PLEKHA5: variants seen among roughly 807,000 people sequenced by gnomAD.
The protein encoded by PLEKHA5 is pleckstrin homology domain containing A5.
PLEKHA5 carries 55 observed loss-of-function variants against 181.9 expected under a neutral mutation model. The ratio of observed to expected loss-of-function variants is 0.30; its 90% confidence interval spans 0.24 to 0.38. The LOEUF (loss-of-function observed/expected upper bound fraction) is 0.38. Ranked by LOEUF, PLEKHA5 falls within the 10% of genes least tolerant of loss-of-function variation. The pLI is 1.00. For missense variants in PLEKHA5, 1,432 were observed against 1,549.5 expected (o/e 0.92, Z 1.27); for synonymous variants, 535 against 529.4 (o/e 1.01, Z -0.15).
chr12:19,247,916 TA>T (rs2064179018), intron 3 of PLEKHA5, among the ~76,000 whole-genome samples: 1 of 150,030 alleles, frequency 6.7e-6, no homozygotes, highest in African/African-American at 2.5e-5. Flanking sequence ...ACTTTTAATT[TA>T]AATTTAATTA....
At chr12:19,252,809 A>T (rs1315527490) in intron 3 of PLEKHA5, among the ~76,000 whole-genome samples, 1 of 152,032 alleles carries the variant, frequency 6.6e-6, no homozygotes, top group Non-Finnish European at 1.5e-5. Context: ...AAACAGAAAC[A>T]CTGTAAATTA....
At chr12:19,213,983 A>G (rs941592626) in intron 3 of PLEKHA5, among the ~76,000 whole-genome samples, 1 of 152,176 alleles carries the variant, frequency 6.6e-6, no homozygotes, top group African/African-American at 2.4e-5. Context: ...TGATAATACT[A>G]ATATTATCAG....
chr12:19,279,843 G>C (rs2075612753), intron 11 of PLEKHA5, among the ~76,000 whole-genome samples: 1 of 151,674 alleles, frequency 6.6e-6, no homozygotes, highest in African/African-American at 2.4e-5. Context: ...CACTTTTCCT[G>C]TTTTACTGTT....
At chr12:19,182,097 G>A (rs7314475) in intron 3 of PLEKHA5, among the ~76,000 whole-genome samples, 135,044 of 152,114 alleles carry the variant, frequency 0.89, 60,790 homozygotes, top group Non-Finnish European at 0.97. Flanking sequence ...ATGTTGTTGG[G>A]TTATTATTTA....
chr12:19,267,274 C>T (rs1467753452), intron 8 of PLEKHA5, among the ~76,000 whole-genome samples: 1 of 152,070 alleles, frequency 6.6e-6, no homozygotes, highest in African/African-American at 2.4e-5. Flanking sequence ...CATGTTTGTA[C>T]CATTATAAAA....
At chr12:19,306,433 C>A in intron 15 of PLEKHA5, 1 of 588,314 alleles carries the variant, frequency 1.7e-6, no homozygotes, top group African/African-American at 1.9e-5. Context: ...GCGACTGGAG[C>A]AGCAGAGGCT....
In PLEKHA5 at chr12:19,209,278, A is replaced by C. The variant is rs1199774013; in HGVS notation, c.228-44662A>C. On this transcript the variant is annotated intron_variant, in intron 3 of 31. Coordinates refer to ENST00000429027, the MANE Select transcript of PLEKHA5 (RefSeq NM_001256470.2). Reference sequence around the variant, plus strand: ...AAAAAGTTTATGGGGACAACACTCCAAAGAAATCAGCAGTTTACAAATGGA... The same window carrying C: ...AAAAAGTTTATGGGGACAACACTCCCAAGAAATCAGCAGTTTACAAATGGA... Among the ~76,000 whole-genome samples the C allele has an allele frequency of 3.3e-5, 5 of 152,204 alleles. No homozygotes were observed. In the East Asian group the frequency reaches 9.6e-4, roughly 29 times the overall value.
At chr12:19,202,013 G>T (rs776759239) in intron 3 of PLEKHA5, 19 of 973,524 alleles carry the variant, frequency 2.0e-5, no homozygotes, top group Non-Finnish European at 2.3e-5. Context: ...ACTTGCCTTG[G>T]GTTCATTACT....
chr12:19,275,113 C>G (rs1276623115), intron 11 of PLEKHA5, 130 bp downstream of exon 11: 1 of 629,896 alleles, frequency 1.6e-6, no homozygotes, highest in Non-Finnish European at 2.8e-6. Context: ...ATTACTACGT[C>G]TTTTGTTTAT....
intron 2 of PLEKHA5, among the ~76,000 whole-genome samples, chr12:19,131,898 G>A (rs937013280): frequency 1.3e-5 from 2 of 152,106 alleles, no homozygotes; most frequent in Non-Finnish European, 2.9e-5. Context: ...GGAAGTATTC[G>A]GTGTCATTTC....
chr12:19,324,259 TA>T (rs1430159039), intron 20 of PLEKHA5, among the ~76,000 whole-genome samples: 2 of 152,226 alleles, frequency 1.3e-5, no homozygotes, highest in Non-Finnish European at 2.9e-5. Flanking sequence ...ACCATGATTT[TA>T]AAATCACTGA....
chr12:19,358,565 C>A, intron 27 of PLEKHA5, 128 bp downstream of exon 27: 3 of 622,280 alleles, frequency 4.8e-6, no homozygotes, highest in East Asian at 2.8e-5. Flanking sequence ...TTATTTAATT[C>A]TCCTAATAAT....
intron 29 of PLEKHA5, among the ~76,000 whole-genome samples, chr12:19,361,990 A>C (rs2095257689): frequency 6.6e-6 from 1 of 150,526 alleles, no homozygotes; most frequent in South Asian, 2.1e-4. Context: ...GGGCAACATA[A>C]TGAGACCTCA....
chr12:19,296,101 G>A (rs1295248541), intron 15 of PLEKHA5, among the ~76,000 whole-genome samples: 1 of 152,008 alleles, frequency 6.6e-6, no homozygotes, highest in East Asian at 1.9e-4. Context: ...AGGCATGGTG[G>A]TGGGCACCTG....
At chr12:19,346,880 G>A in intron 23 of PLEKHA5, 114 bp from the exon 24 acceptor site, 1 of 643,068 alleles carries the variant, frequency 1.6e-6, no homozygotes, top group African/African-American at 1.9e-5. Flanking sequence ...TGGCTTGGCA[G>A]TGTCCCTTTT....
intron 12 of PLEKHA5, among the ~76,000 whole-genome samples, chr12:19,284,257 T>C (rs1451685355): frequency 2.0e-5 from 3 of 152,102 alleles, no homozygotes; most frequent in Admixed American, 6.6e-5. Flanking sequence ...TTAGTAGAGA[T>C]GTGGTTTCAC....
intron 26 of PLEKHA5, among the ~76,000 whole-genome samples, 189 bp from the exon 27 acceptor site, chr12:19,358,039 C>T (rs1468276806): frequency 6.6e-6 from 1 of 152,088 alleles, no homozygotes; most frequent in Admixed American, 6.6e-5. Flanking sequence ...GAGCATACAT[C>T]ACCAATTACT....
chr12:19,329,262 C>T (rs941576140), intron 20 of PLEKHA5, among the ~76,000 whole-genome samples: 2 of 152,070 alleles, frequency 1.3e-5, no homozygotes, highest in African/African-American at 4.8e-5. Flanking sequence ...AGGATTTTTG[C>T]ATCTATGTTC....
chr12:19,236,690 A>G (rs1168497022), intron 3 of PLEKHA5, among the ~76,000 whole-genome samples: 3 of 152,216 alleles, frequency 2.0e-5, no homozygotes, highest in African/African-American at 7.2e-5. Flanking sequence ...ATTTGCATCC[A>G]TATATCTTAG....
Sources: allele counts gnomAD v4.1 joint callset (sites outside exome capture counted in the v4.1 genomes callset), GRCh38; gene constraint gnomAD v4.1.1; transcripts MANE v1.5; gene names NCBI Gene and HGNC (gene_info 2026-07-23, HGNC 2026-07-21).